The following VPS37B variants were observed in gnomAD, a reference collection of about 807,000 sequenced individuals.
VPS37B encodes the protein vacuolar protein sorting-associated protein 37B.
Under a neutral mutation model 21.2 loss-of-function variants are expected in VPS37B, and 11 were observed. The observed-to-expected ratio is 0.52, with a 90% CI of 0.33 to 0.86. The LOEUF is 0.86. VPS37B is among the 40% of genes least tolerant of loss of function. The pLI is 0.03. For synonymous variants in VPS37B, 175 were observed against 159.6 expected, an observed-to-expected ratio of 1.10 and a Z score of -0.73; for missense variants, 389 against 374.8, an observed-to-expected ratio of 1.04 and a Z score of -0.31.
intron 1 of VPS37B, chr12:122,883,097 C>CTCAGGAAGGAAACTTACCAGCTAT: frequency 6.6e-6 from 1 of 152,332 alleles, no homozygotes; most frequent in South Asian, 2.1e-4. Context: ...CTACAGCCCA[C>CTCAGGAAGGAAACTTACCAGCTAT]TCAGGAAGGA....
At chr12:122,880,916 C>A (rs1400060995) in intron 1 of VPS37B, 1 of 152,254 alleles carries the variant, frequency 6.6e-6, no homozygotes. Context: ...ACGTAAGGCA[C>A]TGAGCGTTGT....
intron 1 of VPS37B, chr12:122,873,660 C>T (rs2034083085): frequency 6.6e-6 from 1 of 152,256 alleles, no homozygotes; most frequent in Non-Finnish European, 1.5e-5. Flanking sequence ...CCCCACCATC[C>T]CTTCCCGGTC....
chr12:122,878,140 C>G (rs2034186063), intron 1 of VPS37B: 1 of 152,144 alleles, frequency 6.6e-6, no homozygotes, highest in Admixed American at 6.6e-5. Flanking sequence ...GCAGGTGGGT[C>G]ACGAGGTCAA....
In VPS37B at chr12:122,867,518, T is replaced by C; in HGVS notation, c.456A>G (p.Arg152=). Residue 152 remains arginine, a synonymous_variant, in exon 4 of 4, where the codon CGA becomes CGG. Coordinates refer to ENST00000267202, the MANE Select transcript of VPS37B (RefSeq NM_024667.3). The surrounding 1 kb of genome is among the most constrained non-coding windows in gnomAD (Gnocchi z 5.5). ...YQSKRKLAHM[R]RVKIEKLQEM... is the part of the protein sequence containing the mutation. ...CCTGGAGCTTCTCGATTTTCACCCG[T>C]CGCATGTGGGCCAGTTTCCGTTTGC... 6.2e-7 allele frequency: 1 copy of C among 1,614,038 alleles called. No homozygotes were observed. The highest frequency in any genetic ancestry group is 1.3e-5 in the African/African-American group (1 of 74,986).
intron 1 of VPS37B, chr12:122,886,926 C>T (rs1014379839): frequency 1.3e-5 from 2 of 152,246 alleles, no homozygotes; most frequent in African/African-American, 4.8e-5. Context: ...CAAATCCTGT[C>T]TTAACCACGA....
At chr12:122,872,176 T>G in intron 1 of VPS37B, 2 of 985,536 alleles carry the variant, frequency 2.0e-6, no homozygotes, top group Non-Finnish European at 2.4e-6. Context: ...ACCCGTTGAT[T>G]GCTGTCATAG....
intron 1 of VPS37B, among the ~76,000 whole-genome samples, chr12:122,894,842 G>C (rs1159775175): frequency 1.3e-5 from 2 of 152,150 alleles, no homozygotes; most frequent in Non-Finnish European, 2.9e-5. Context: ...GCTGGGCAAG[G>C]CTTGACTCTC....
At chr12:122,890,702 A>G (rs896995931) in intron 1 of VPS37B, among the ~76,000 whole-genome samples, 19 of 152,154 alleles carry the variant, frequency 1.2e-4, no homozygotes, top group Admixed American at 6.5e-4. Context: ...AATCATTTCT[A>G]AGAGAACAGT....
chr12:122,888,639 A>G (rs563539558), intron 1 of VPS37B: 1 of 455,850 alleles, frequency 2.2e-6, no homozygotes, highest in African/African-American at 2.0e-5. Context: ...CCGACCGGTG[A>G]GGGTCAAACA....
At chr12:122,876,332 C>T (rs2034148713) in intron 1 of VPS37B, 1 of 152,126 alleles carries the variant, frequency 6.6e-6, no homozygotes, top group Non-Finnish European at 1.5e-5. Context: ...AAAAAAGTAT[C>T]TTATATATAC....
At chr12:122,886,424 A>G (rs531879424) in intron 1 of VPS37B, 1 of 150,822 alleles carries the variant, frequency 6.6e-6, no homozygotes, top group East Asian at 2.0e-4. Flanking sequence ...GTTTGAGAAC[A>G]GCCTAGGAAA....
In VPS37B at chr12:122,867,408, AG is replaced by A; in HGVS notation, c.565del (p.Leu189PhefsTer31). On this transcript the variant is annotated frameshift_variant, in exon 4 of 4. Coordinates refer to ENST00000267202, the MANE Select transcript of VPS37B (RefSeq NM_024667.3). LOFTEE classifies it low-confidence loss of function (END_TRUNC). This position sits in a 1 kb window ranked among gnomAD's most constrained non-coding sequence, Gnocchi z 5.5. Reference protein sequence around the residue: ...RLPELAPTAPLPYPAPEASGP... With the variant: ...RLPELAPTAPXPYPAPEASGP... ...ACTGGCCTCTGGGGCAGGGTAGGGAAGGGGGGCGGTAGGTGCCAGTTCGGGC... is the reference window on the plus strand; with the variant it reads ...ACTGGCCTCTGGGGCAGGGTAGGGAAGGGGGCGGTAGGTGCCAGTTCGGGC... 8.6e-7 allele frequency: 1 copy of A among 1,160,314 alleles called. No homozygotes were observed. The allele number at this position is 1,160,314 out of a possible 1,614,324, so 71.9% of individuals were successfully genotyped here.
chr12:122,874,007 A>AG (rs1566125856), intron 1 of VPS37B: 3 of 152,268 alleles, frequency 2.0e-5, no homozygotes, highest in African/African-American at 7.2e-5. Context: ...TTGAGAGCTA[A>AG]GTGCCTCCAA....
At chr12:122,874,947 CAAAAAAAAAA>C (rs373294425) in intron 1 of VPS37B, 1 of 103,932 alleles carries the variant, frequency 9.6e-6, no homozygotes, top group Non-Finnish European at 2.0e-5. Flanking sequence ...AACTCCGTCT[CAAAAAAAAAA>C]AAAAAAAAAA....
chr12:122,871,124 C>G, intron 1 of VPS37B, 63 bp from the exon 2 acceptor site: 1 of 1,578,856 alleles, frequency 6.3e-7, no homozygotes, highest in Non-Finnish European at 8.6e-7. Context: ...CCCTGAGGTC[C>G]CCACGCACAC....
chr12:122,871,371 G>A, intron 1 of VPS37B: 3 of 1,086,424 alleles, frequency 2.8e-6, no homozygotes, highest in African/African-American at 1.6e-5. Context: ...CCTTACTACG[G>A]CCATTGTGCT....
chr12:122,890,033 T>C (rs2034390602), intron 1 of VPS37B: 1 of 152,170 alleles, frequency 6.6e-6, no homozygotes, highest in African/African-American at 2.4e-5. Context: ...ACAGTGGACA[T>C]GGGGAAGAGC....
intron 1 of VPS37B, chr12:122,881,203 C>A (rs537035380): frequency 1.2e-3 from 184 of 152,342 alleles, no homozygotes; most frequent in African/African-American, 4.2e-3. Flanking sequence ...TCCATTCTAT[C>A]CTCTGTGACA....
rs565180372 is a variant in VPS37B, at chr12:122,874,941, C to G, written c.112-3880G>C. 3 of 92,270 alleles carry G rather than the reference C, an allele frequency of 3.3e-5. No homozygotes were observed. The East Asian group carries it at 1.1e-3, about 33-fold the overall frequency. The allele number at this position is 92,270 out of a possible 1,614,324, so 5.7% of individuals were successfully genotyped here. On this transcript the variant is annotated intron_variant, in intron 1 of 3. Coordinates refer to ENST00000267202, the MANE Select transcript of VPS37B (RefSeq NM_024667.3). ...CAGCCTGGGCAACAAGAGTGAAACT[C>G]CGTCTCAAAAAAAAAAAAAAAAAAA...
Sources: gnomAD v4.1 joint callset for allele counts (sites outside exome capture counted in the v4.1 genomes callset) on GRCh38, gnomAD v4.1.1 for gene constraint, Gnocchi (gnomAD v3.1) non-coding constraint, MANE v1.5 for transcripts, NCBI Gene and HGNC (gene_info 2026-07-23, HGNC 2026-07-21) for gene names.